ACTR3C: variants seen among roughly 807,000 people sequenced by gnomAD.
The protein encoded by ACTR3C is actin-related protein 3C.
A neutral mutation model predicts 26.3 loss-of-function variants in ACTR3C; 18 were observed. The ratio of observed to expected loss-of-function variants is 0.68; its 90% CI spans 0.47 to 1.01. ACTR3C has a LOEUF of 1.01. Among genes scored for constraint, ACTR3C ranks in the 50% least tolerant of loss-of-function variants. ACTR3C has a pLI of 0.00. For missense variants in ACTR3C, 184 were observed against 250.7 expected (o/e 0.73, Z 1.80); for synonymous variants, 55 against 94.5 (o/e 0.58, Z 2.42).
intron 4 of ACTR3C, among the ~76,000 whole-genome samples, chr7:150,289,063 T>C (rs1183001937): frequency 6.6e-6 from 1 of 151,778 alleles, no homozygotes; most frequent in African/African-American, 2.4e-5. Flanking sequence ...TTTTGTGCAA[T>C]AGCTCTGGAT....
At chr7:149,995,776 G>A in the ACTR3C span, among the ~76,000 whole-genome samples, 2 of 152,262 alleles carry the variant, frequency 1.3e-5, no homozygotes, top group Non-Finnish European at 2.9e-5. Flanking sequence ...GGTAAACACA[G>A]GACCAACCAC....
chr7:149,933,008 TAG>T, the ACTR3C span, among the ~76,000 whole-genome samples: 1 of 146,782 alleles, frequency 6.8e-6, no homozygotes, highest in Admixed American at 6.9e-5. Context: ...GAAGGCTCAG[TAG>T]AGAGCGGGCC....
the ACTR3C span, among the ~76,000 whole-genome samples, chr7:150,033,733 A>G: frequency 2.1e-3 from 307 of 143,102 alleles, no homozygotes; most frequent in Non-Finnish European, 3.3e-3. Context: ...AAGAGGGGAT[A>G]GCTCTCAGTC....
At chr7:150,256,529 G>A (rs1727410629) in intron 6 of ACTR3C, among the ~76,000 whole-genome samples, 1 of 152,200 alleles carries the variant, frequency 6.6e-6, no homozygotes, top group African/African-American at 2.4e-5. Flanking sequence ...ACCGTTTATT[G>A]TCACTTATAA....
the ACTR3C span, among the ~76,000 whole-genome samples, chr7:150,112,656 G>A: frequency 4.3e-4 from 66 of 152,140 alleles, no homozygotes; most frequent in Non-Finnish European, 8.4e-4. Context: ...CTCCATCAAG[G>A]GAAAAAAAGG....
chr7:150,030,764 T>C, the ACTR3C span, among the ~76,000 whole-genome samples: 1 of 152,052 alleles, frequency 6.6e-6, no homozygotes, highest in East Asian at 1.9e-4. Context: ...TCCCACCACT[T>C]AAGCTGCCTC....
downstream of ACTR3C, among the ~76,000 whole-genome samples, chr7:150,242,607 G>A (rs1288253744): frequency 6.6e-6 from 1 of 152,208 alleles, no homozygotes; most frequent in African/African-American, 2.4e-5. Flanking sequence ...AATAGTTTGA[G>A]TGGTTAAGTC....
At chr7:150,131,157 G>A in the ACTR3C span, among the ~76,000 whole-genome samples, 269 of 152,308 alleles carry the variant, frequency 1.8e-3, no homozygotes, top group Non-Finnish European at 2.8e-3. Flanking sequence ...ACACAAAAAA[G>A]TATAGAAAAA....
the ACTR3C span, among the ~76,000 whole-genome samples, chr7:150,201,524 G>A: frequency 2.0e-5 from 3 of 151,420 alleles, no homozygotes; most frequent in Non-Finnish European, 2.9e-5. Context: ...GAGGAGGGTG[G>A]ATCACCTGAG....
chr7:150,033,677 G>C, the ACTR3C span, among the ~76,000 whole-genome samples: 1 of 151,366 alleles, frequency 6.6e-6, no homozygotes, highest in East Asian at 2.1e-4. Flanking sequence ...GCCTCGCGGG[G>C]GGTGCCTCCC....
At chr7:150,171,335 T>TATTTGGAAA in the ACTR3C span, among the ~76,000 whole-genome samples, 1 of 150,196 alleles carries the variant, frequency 6.7e-6, no homozygotes, top group African/African-American at 2.5e-5. Context: ...TATATCCAAA[T>TATTTGGAAA]ATTTGGAAAC....
chr7:150,140,762 T>A, the ACTR3C span, among the ~76,000 whole-genome samples: 2 of 152,184 alleles, frequency 1.3e-5, no homozygotes, highest in Non-Finnish European at 2.9e-5. Flanking sequence ...CATCTCTCAC[T>A]TTAAATAAAA....
At chr7:150,043,775 T>C in the ACTR3C span, among the ~76,000 whole-genome samples, 80 of 152,192 alleles carry the variant, frequency 5.3e-4, no homozygotes, top group Non-Finnish European at 1.1e-3. Context: ...ACTTAAAAAA[T>C]TTTAAATTAC....
At chr7:149,887,767 CCT>C in the ACTR3C span, among the ~76,000 whole-genome samples, 1 of 148,260 alleles carries the variant, frequency 6.7e-6, no homozygotes, top group Non-Finnish European at 1.5e-5. Context: ...CCAGAATTCC[CCT>C]GTGTTGTGGG....
the ACTR3C span, among the ~76,000 whole-genome samples, chr7:150,017,829 C>T: frequency 1.3e-5 from 2 of 150,328 alleles, no homozygotes; most frequent in South Asian, 2.1e-4. Context: ...CCTTGCCTCT[C>T]GTTTGACCAT....
the ACTR3C span, among the ~76,000 whole-genome samples, chr7:149,971,570 A>G: frequency 8.5e-5 from 13 of 152,386 alleles, no homozygotes; most frequent in Admixed American, 4.6e-4. Flanking sequence ...TTTGTTTTAC[A>G]CTAGAATTTT....
the ACTR3C span, chr7:150,001,342 T>C: frequency 6.6e-6 from 1 of 152,202 alleles, no homozygotes. Context: ...GGCAGAGATA[T>C]CTCCAAGCAG....
chr7:149,981,463 T>A, the ACTR3C span, among the ~76,000 whole-genome samples: 1 of 150,438 alleles, frequency 6.6e-6, no homozygotes, highest in Non-Finnish European at 1.5e-5. Context: ...TCTGTTCAAC[T>A]AAAGCCAGGA....
At chr7:150,287,124 A>C (rs915397313) in intron 4 of ACTR3C, among the ~76,000 whole-genome samples, 2 of 151,740 alleles carry the variant, frequency 1.3e-5, no homozygotes, top group Non-Finnish European at 2.9e-5. Flanking sequence ...GCCTAGAGAC[A>C]GTGTACCTTG....
Sources: allele counts gnomAD v4.1 joint callset (sites outside exome capture counted in the v4.1 genomes callset), GRCh38; gene constraint gnomAD v4.1.1; transcripts MANE v1.5; gene names NCBI Gene and HGNC (gene_info 2026-07-23, HGNC 2026-07-21).